CSMD1: variants seen among roughly 807,000 people sequenced by gnomAD.
The protein encoded by CSMD1 is CUB and sushi domain-containing protein 1.
Under a neutral mutation model 417.5 loss-of-function variants are expected in CSMD1, and 213 were observed. That is an observed-to-expected ratio of 0.51 (90% CI 0.46 to 0.57). The LOEUF is 0.57. CSMD1 is among the 20% of genes least tolerant of loss of function. The probability of loss-of-function intolerance (pLI) is 0.00; values close to 1 mark genes in which losing one functional copy is unlikely to be tolerated. For synonymous variants in CSMD1, 2,862 were observed against 1,736.8 expected, an observed-to-expected ratio of 1.65 and a Z score of -16.11; for missense variants, 6,923 against 4,529.7, an observed-to-expected ratio of 1.53 and a Z score of -15.17.
intron 36 of CSMD1, among the ~76,000 whole-genome samples, chr8:3,182,616 G>GAGAAGGACTC (rs1821419231): frequency 6.5e-5 from 4 of 61,418 alleles, no homozygotes; most frequent in South Asian, 4.0e-4. Flanking sequence ...GTGTGTGTGT[G>GAGAAGGACTC]TGTGTGTGTG....
intron 7 of CSMD1, among the ~76,000 whole-genome samples, chr8:3,693,314 T>A (rs139048186): frequency 6.6e-6 from 1 of 152,180 alleles, no homozygotes; most frequent in Non-Finnish European, 1.5e-5. Context: ...ATGAAATATA[T>A]ATATGATAAT....
chr8:4,749,138 T>C (rs560294948), intron 1 of CSMD1, among the ~76,000 whole-genome samples: 2 of 152,364 alleles, frequency 1.3e-5, no homozygotes, highest in East Asian at 3.9e-4. Flanking sequence ...TCTAATATTG[T>C]CATGAGTCAT....
intron 10 of CSMD1, among the ~76,000 whole-genome samples, chr8:3,566,076 G>C (rs1258849964): frequency 1.3e-5 from 2 of 151,852 alleles, no homozygotes; most frequent in Non-Finnish European, 2.9e-5. Flanking sequence ...TCTGACCCTA[G>C]TCATTTAAAA....
At chr8:3,433,151 G>C (rs377648567) in intron 12 of CSMD1, among the ~76,000 whole-genome samples, 2 of 152,206 alleles carry the variant, frequency 1.3e-5, no homozygotes, top group Non-Finnish European at 2.9e-5. Context: ...AACATGGTGG[G>C]ATTCTGAAGA....
At position 3,857,334 on chromosome 8, in the gene CSMD1, G is replaced by A. The variant is rs931135646; in HGVS notation, c.819-103292C>T. Among the ~76,000 whole-genome samples, 5 of 152,198 alleles carry A rather than the reference G, an allele frequency of 3.3e-5. No homozygotes were observed. The East Asian group carries it at 9.7e-4, about 29-fold the overall frequency. Reference sequence around the variant, plus strand: ...TAATTAGGGAGGTGAGAAAGACCTGGCAAGTTAAACAAAACTACACAAACA... The same window carrying A: ...TAATTAGGGAGGTGAGAAAGACCTGACAAGTTAAACAAAACTACACAAACA... On this transcript the variant is annotated intron_variant, in intron 5 of 69. Coordinates refer to ENST00000635120, the MANE Select transcript of CSMD1 (RefSeq NM_033225.6).
chr8:4,470,091 C>G (rs1049405652), intron 2 of CSMD1, among the ~76,000 whole-genome samples: 4 of 151,900 alleles, frequency 2.6e-5, no homozygotes, highest in Non-Finnish European at 4.4e-5. Context: ...AGGATGGTCT[C>G]GATCTCCTGA....
intron 1 of CSMD1, among the ~76,000 whole-genome samples, chr8:4,800,741 G>A (rs150004697): frequency 0.011 from 1,708 of 152,274 alleles, 27 homozygotes; most frequent in African/African-American, 0.038. Context: ...AAGGCCTCTG[G>A]CCACTTTGGT....
Position 2,998,558 on chromosome 8 carries a change from C to T in CSMD1, c.8204-374G>A, listed in dbSNP as rs143015609. On this transcript the variant is annotated intron_variant, in intron 53 of 69. Coordinates refer to ENST00000635120, the MANE Select transcript of CSMD1 (RefSeq NM_033225.6). ...ATGAGTTTTGAACATTTTCTCCATA[C>T]ACACCAGCTGACTCTGTGAAACCCT... Among the ~76,000 whole-genome samples, 1,395 of 152,334 alleles carry T rather than the reference C, an allele frequency of 9.2e-3. 16 individuals are homozygous for T. The highest frequency in any genetic ancestry group is 0.017 in the Middle Eastern group (5 of 294).
chr8:2,988,468 TCC>T (rs1462294497), intron 54 of CSMD1, among the ~76,000 whole-genome samples: 5 of 152,140 alleles, frequency 3.3e-5, no homozygotes, highest in African/African-American at 1.2e-4. Flanking sequence ...ATCTAACTGG[TCC>T]CTCACTGAAC....
intron 1 of CSMD1, among the ~76,000 whole-genome samples, chr8:4,949,597 G>A (rs1048014646): frequency 1.3e-5 from 2 of 152,124 alleles, no homozygotes; most frequent in Admixed American, 1.3e-4. Context: ...TTCCTGAAAT[G>A]CCCAGTCAAT....
intron 1 of CSMD1, among the ~76,000 whole-genome samples, chr8:4,963,664 G>C (rs1288452750): frequency 2.6e-5 from 4 of 152,146 alleles, no homozygotes; most frequent in Admixed American, 6.5e-5. Flanking sequence ...GTATGAATTT[G>C]CGTTGAAATT....
At position 3,686,895 on chromosome 8, in the gene CSMD1, T is replaced by A. The variant is rs147772848; in HGVS notation, c.1009+21519A>T. ...AATCTTTCTTATGTCGATTTCATTC[T>A]TGGGCCGTAAGAGGACAGAGTAGAG... On this transcript the variant is annotated intron_variant, in intron 7 of 69. Coordinates refer to ENST00000635120, the MANE Select transcript of CSMD1 (RefSeq NM_033225.6). 9.7e-4 allele frequency among the ~76,000 whole-genome samples: 147 copies of A among 152,328 alleles called. No individual in the cohort carries two copies. In the East Asian group the frequency reaches 9.7e-3, roughly 10 times the overall value.
intron 1 of CSMD1, among the ~76,000 whole-genome samples, chr8:4,911,382 T>A (rs1309367401): frequency 6.6e-6 from 1 of 152,182 alleles, no homozygotes; most frequent in Non-Finnish European, 1.5e-5. Context: ...AGTCTGTTGG[T>A]CTTTCTCTAG....
intron 1 of CSMD1, among the ~76,000 whole-genome samples, chr8:4,766,295 T>G (rs994904290): frequency 6.6e-6 from 1 of 152,184 alleles, no homozygotes; most frequent in African/African-American, 2.4e-5. Context: ...TAGTTACCTT[T>G]TTCATTCGGT....
intron 1 of CSMD1, among the ~76,000 whole-genome samples, chr8:4,859,427 A>C (rs2116866822): frequency 6.6e-6 from 1 of 152,262 alleles, no homozygotes; most frequent in Non-Finnish European, 1.5e-5. Context: ...GGATCTAATT[A>C]AGAGCTTCTG....
intron 1 of CSMD1, among the ~76,000 whole-genome samples, chr8:4,723,422 G>A (rs1809193686): frequency 6.6e-6 from 1 of 152,104 alleles, no homozygotes; most frequent in Admixed American, 6.6e-5. Flanking sequence ...TTAATACTTT[G>A]GAGTACATAA....
chr8:3,815,564 T>C (rs1004656020), intron 5 of CSMD1, among the ~76,000 whole-genome samples: 8 of 151,032 alleles, frequency 5.3e-5, no homozygotes, highest in Non-Finnish European at 1.0e-4. Context: ...TTTGAAAAAA[T>C]ACTGCTTTGA....
chr8:3,145,146 A>G (rs1283950319), intron 40 of CSMD1, among the ~76,000 whole-genome samples: 1 of 152,182 alleles, frequency 6.6e-6, no homozygotes, highest in Non-Finnish European at 1.5e-5. Context: ...AGAGTTTTAT[A>G]GACATTGCTC....
intron 6 of CSMD1, among the ~76,000 whole-genome samples, chr8:3,739,138 G>A (rs1328541082): frequency 7.7e-6 from 1 of 129,998 alleles, no homozygotes; most frequent in African/African-American, 2.6e-5. Flanking sequence ...AGAGTTAATT[G>A]TAAGTTTAAA....
Sources: gnomAD v4.1 joint callset for allele counts (sites outside exome capture counted in the v4.1 genomes callset) on GRCh38, gnomAD v4.1.1 for gene constraint, MANE v1.5 for transcripts, NCBI Gene and HGNC (gene_info 2026-07-23, HGNC 2026-07-21) for gene names.